CREB5: variants seen among roughly 807,000 people sequenced by gnomAD.
CREB5 encodes the protein cAMP responsive element binding protein 5.
In CREB5, 19 loss-of-function variants were observed where a neutral mutation model predicts 57.1. That is an observed-to-expected ratio of 0.33 (90% CI 0.23 to 0.49). The LOEUF (loss-of-function observed/expected upper bound fraction) is 0.49, where lower values mean the gene tolerates loss of function less well. Ranked by LOEUF, CREB5 falls within the 20% of genes least tolerant of loss-of-function variation. The pLI is 0.99. For synonymous variants in CREB5, 238 were observed against 238.3 expected (o/e 1.00, Z 0.01); for missense variants, 579 against 671.6 (o/e 0.86, Z 1.52).
At chr7:28,398,502 C>T (rs1787382520) in intron 1 of CREB5, among the ~76,000 whole-genome samples, 1 of 152,128 alleles carries the variant, frequency 6.6e-6, no homozygotes, top group Non-Finnish European at 1.5e-5. Flanking sequence ...TCAATGGAAT[C>T]ATCAGGGGCT....
chr7:28,678,923 C>T (rs1484258374), intron 5 of CREB5, among the ~76,000 whole-genome samples: 1 of 152,172 alleles, frequency 6.6e-6, no homozygotes, highest in Non-Finnish European at 1.5e-5. Context: ...ATTAGATAGA[C>T]ACAGAGCTCT....
chr7:28,552,573 G>A (rs1294215548), intron 4 of CREB5, among the ~76,000 whole-genome samples: 1 of 152,152 alleles, frequency 6.6e-6, no homozygotes, highest in Non-Finnish European at 1.5e-5. Flanking sequence ...CAACTCATCT[G>A]TCTCCTGGGC....
intron 5 of CREB5, among the ~76,000 whole-genome samples, chr7:28,587,770 A>G (rs557953541): frequency 6.6e-6 from 1 of 152,258 alleles, no homozygotes; most frequent in South Asian, 2.1e-4. Context: ...GACTACACAC[A>G]TGTGTTGAGA....
intron 1 of CREB5, among the ~76,000 whole-genome samples, chr7:28,348,771 C>A (rs1362631589): frequency 6.6e-6 from 1 of 152,146 alleles, no homozygotes; most frequent in Non-Finnish European, 1.5e-5. Flanking sequence ...AGGTACAGAA[C>A]AAAGTGGTGC....
At chr7:28,627,243 C>T (rs1798032133) in intron 5 of CREB5, among the ~76,000 whole-genome samples, 1 of 152,190 alleles carries the variant, frequency 6.6e-6, no homozygotes, top group Admixed American at 6.5e-5. Context: ...TTTCTGATAG[C>T]CCAGCATTTG....
rs920327242 is a variant in CREB5, at chr7:28,820,098, A to G, written c.*819A>G. ...TCATTCAACTCTTGCTTTTCACAAA[A>G]TAGTAACCAGGAGATGTTTAATGTG... On this transcript the variant is annotated 3_prime_UTR_variant, in exon 11 of 11. Transcript: ENST00000357727. 1 of 152,198 alleles carries G rather than the reference A, an allele frequency of 6.6e-6. No individual in the cohort carries two copies. Among genetic ancestry groups the G allele is most frequent in the Non-Finnish European group, 1.5e-5 (1 of 68,024 alleles). The allele number at this position is 152,198 out of a possible 1,614,324, so 9.4% of individuals were successfully genotyped here. A position where few individuals can be genotyped will look rare whatever the true frequency, so the allele number is the denominator to read the frequency against.
At chr7:28,473,941 A>G (rs138643492) in intron 1 of CREB5, among the ~76,000 whole-genome samples, 78 of 152,276 alleles carry the variant, frequency 5.1e-4, no homozygotes, top group African/African-American at 1.8e-3. Flanking sequence ...GCACTGTGGA[A>G]TTTGGCTCCT....
intron 7 of CREB5, among the ~76,000 whole-genome samples, chr7:28,741,281 C>T (rs1804322215): frequency 6.6e-6 from 1 of 152,148 alleles, no homozygotes; most frequent in African/African-American, 2.4e-5. Flanking sequence ...CCCAGGGCTG[C>T]CCACAAAAGC....
chr7:28,709,136 CTTT>C (rs1802275506), intron 5 of CREB5, among the ~76,000 whole-genome samples: 1 of 152,058 alleles, frequency 6.6e-6, no homozygotes, highest in African/African-American at 2.4e-5. Context: ...ATTTACTTGC[CTTT>C]TCTAAGTGTA....
chr7:28,688,041 T>A (rs1801041889), intron 5 of CREB5, among the ~76,000 whole-genome samples: 1 of 152,220 alleles, frequency 6.6e-6, no homozygotes, highest in Non-Finnish European at 1.5e-5. Flanking sequence ...ACAGAGTATT[T>A]AGCATAGCTT....
At chr7:28,339,135 T>C (rs995767770) in intron 1 of CREB5, among the ~76,000 whole-genome samples, 4 of 152,160 alleles carry the variant, frequency 2.6e-5, no homozygotes, top group Non-Finnish European at 4.4e-5. Context: ...CCTTATTAAG[T>C]TCATTTGGTG....
chr7:28,703,705 C>G (rs1801973345), intron 5 of CREB5, among the ~76,000 whole-genome samples: 1 of 152,164 alleles, frequency 6.6e-6, no homozygotes, highest in African/African-American at 2.4e-5. Context: ...CAACCTTCCT[C>G]CACCTTTTTC....
At chr7:28,345,582 G>A (rs1386626094) in intron 1 of CREB5, among the ~76,000 whole-genome samples, 2 of 152,212 alleles carry the variant, frequency 1.3e-5, no homozygotes, top group African/African-American at 4.8e-5. Flanking sequence ...GAGGCAGGGA[G>A]TGTGTCCTGT....
chr7:28,553,263 G>T (rs541476780), intron 4 of CREB5, among the ~76,000 whole-genome samples: 1 of 152,218 alleles, frequency 6.6e-6, no homozygotes, highest in African/African-American at 2.4e-5. Flanking sequence ...GCCTTTTCCT[G>T]ACTTTCAAGT....
At chr7:28,771,278 C>T (rs892946282) in intron 7 of CREB5, among the ~76,000 whole-genome samples, 12 of 152,110 alleles carry the variant, frequency 7.9e-5, no homozygotes, top group African/African-American at 2.4e-4. Flanking sequence ...GGGAGAGATA[C>T]AGGGCTTGAA....
chr7:28,530,526 G>A (rs984589617), intron 4 of CREB5, among the ~76,000 whole-genome samples: 37 of 152,186 alleles, frequency 2.4e-4, no homozygotes, highest in Non-Finnish European at 3.2e-4. Flanking sequence ...TGCCTTTGGG[G>A]AAACAAGCCA....
intron 5 of CREB5, among the ~76,000 whole-genome samples, chr7:28,695,725 G>A (rs938877461): frequency 6.6e-6 from 1 of 152,116 alleles, no homozygotes; most frequent in African/African-American, 2.4e-5. Flanking sequence ...GTGCATGTCT[G>A]ATGAGGACAG....
rs189241085 is a variant in CREB5 at position 28,543,614 on chromosome 7, G to A, written c.292-26751G>A. ...AAAAAAAAAAAAAGTGTGAGTTAAG[G>A]ATGACTCTGGTTGAAAAGATGGGCT... On this transcript the variant is annotated intron_variant, in intron 4 of 10. Coordinates refer to ENST00000357727, the MANE Select transcript of CREB5 (RefSeq NM_182898.4). Among the ~76,000 whole-genome samples the A allele has an allele frequency of 1.8e-4, 27 of 149,026 alleles. No homozygotes were observed. In the East Asian group the frequency reaches 5.3e-3, roughly 29 times the overall value.
chr7:28,560,955 TGTGTGCGTGTGTGTGTGC>T (rs1795212554), intron 4 of CREB5, among the ~76,000 whole-genome samples: 3 of 22,142 alleles, frequency 1.4e-4, no homozygotes, highest in Non-Finnish European at 2.7e-4. Flanking sequence ...TGTGTGCGTG[TGTGTGCGTGTGTGTGTGC>T]GTGTGTGCGT....
Sources: allele counts gnomAD v4.1 joint callset (sites outside exome capture counted in the v4.1 genomes callset), GRCh38; gene constraint gnomAD v4.1.1; transcripts MANE v1.5; gene names NCBI Gene and HGNC (gene_info 2026-07-23, HGNC 2026-07-21).